Variants in SEMA5A observed in about 807,000 individuals in gnomAD.
SEMA5A encodes semaphorin-5A.
SEMA5A carries 55 observed loss-of-function variants against 135.5 expected under a neutral mutation model. The ratio of observed to expected loss-of-function variants is 0.41; its 90% CI spans 0.33 to 0.51. The LOEUF (loss-of-function observed/expected upper bound fraction) is 0.51, where lower values mean the gene tolerates loss of function less well. Among genes scored for constraint, SEMA5A ranks in the 20% least tolerant of loss-of-function variants. SEMA5A has a pLI of 0.37. For missense variants in SEMA5A, 1,290 were observed against 1,419.9 expected (o/e 0.91, Z 1.47); for synonymous variants, 580 against 546.5 (o/e 1.06, Z -0.85).
At chr5:9,328,129 C>T (rs534833050) in intron 4 of SEMA5A, among the ~76,000 whole-genome samples, 83 of 152,304 alleles carry the variant, frequency 5.4e-4, no homozygotes, top group African/African-American at 1.9e-3. Flanking sequence ...CCAAAACTCA[C>T]TGAATGGTTT....
At chr5:9,201,012 C>T (rs188093372) in intron 9 of SEMA5A, among the ~76,000 whole-genome samples, 1 of 152,342 alleles carries the variant, frequency 6.6e-6, no homozygotes, top group East Asian at 1.9e-4. Flanking sequence ...TTTATCAGCA[C>T]TTCCAACCCA....
intron 1 of SEMA5A, among the ~76,000 whole-genome samples, chr5:9,489,708 G>A (rs886846649): frequency 6.6e-6 from 1 of 152,108 alleles, no homozygotes; most frequent in Admixed American, 6.6e-5. Flanking sequence ...GCTACGAGTG[G>A]CTCTAAATGG....
intron 4 of SEMA5A, among the ~76,000 whole-genome samples, chr5:9,335,572 GA>G (rs374227848): frequency 1.1e-4 from 16 of 152,296 alleles, no homozygotes; most frequent in African/African-American, 3.8e-4. Flanking sequence ...AGAGATGAAT[GA>G]GGGATGCAAG....
intron 3 of SEMA5A, among the ~76,000 whole-genome samples, chr5:9,353,306 AGGGAAG>A (rs1754274743): frequency 7.1e-6 from 1 of 141,148 alleles, no homozygotes; most frequent in Non-Finnish European, 1.6e-5. Flanking sequence ...AGGGAAGGGA[AGGGAAG>A]GGAAAGGAAG....
intron 5 of SEMA5A, among the ~76,000 whole-genome samples, chr5:9,311,247 A>T (rs1348953464): frequency 6.6e-6 from 1 of 152,040 alleles, no homozygotes. Flanking sequence ...GTGACAACTA[A>T]TAATGTCCCC....
intron 5 of SEMA5A, among the ~76,000 whole-genome samples, chr5:9,300,878 C>T (rs932992026): frequency 1.3e-5 from 2 of 152,196 alleles, no homozygotes; most frequent in Non-Finnish European, 2.9e-5. Context: ...GGCGATGAAG[C>T]TTTCTCCCCT....
intron 5 of SEMA5A, among the ~76,000 whole-genome samples, chr5:9,291,437 C>T (rs1210688111): frequency 6.6e-6 from 1 of 152,156 alleles, no homozygotes; most frequent in Admixed American, 6.5e-5. Context: ...ATGGCCTTAA[C>T]TGGCCTGGAA....
intron 3 of SEMA5A, among the ~76,000 whole-genome samples, chr5:9,365,127 A>G (rs1754859517): frequency 6.6e-6 from 1 of 152,218 alleles, no homozygotes; most frequent in African/African-American, 2.4e-5. Context: ...CAGATGCATT[A>G]GAAAATATAC....
chr5:9,245,151 T>C (rs1251819747), intron 5 of SEMA5A, among the ~76,000 whole-genome samples: 1 of 152,138 alleles, frequency 6.6e-6, no homozygotes, highest in Non-Finnish European at 1.5e-5. Context: ...TTGTGGACAA[T>C]TCTGAGTAGC....
At chr5:9,362,146 C>G (rs1171248097) in intron 3 of SEMA5A, among the ~76,000 whole-genome samples, 1 of 152,124 alleles carries the variant, frequency 6.6e-6, no homozygotes, top group Non-Finnish European at 1.5e-5. Context: ...GGTAGAACAG[C>G]TCACTGTAGC....
chr5:9,194,917 C>T (rs374865221), intron 10 of SEMA5A, among the ~76,000 whole-genome samples: 5 of 152,126 alleles, frequency 3.3e-5, no homozygotes, highest in African/African-American at 1.2e-4. Context: ...GATGAACGGG[C>T]TACAAGTTAT....
chr5:9,399,671 C>A (rs1756562552), intron 2 of SEMA5A, among the ~76,000 whole-genome samples: 1 of 152,128 alleles, frequency 6.6e-6, no homozygotes, highest in African/African-American at 2.4e-5. Context: ...AGCAACCAGG[C>A]TACCAGGTTC....
chr5:9,216,697 T>C (rs1746649367), intron 8 of SEMA5A, among the ~76,000 whole-genome samples: 1 of 152,212 alleles, frequency 6.6e-6, no homozygotes, highest in Non-Finnish European at 1.5e-5. Context: ...AGGATAGTTA[T>C]GTCATCTTGT....
chr5:9,418,227 T>C (rs1579508456), intron 2 of SEMA5A, among the ~76,000 whole-genome samples: 1 of 152,040 alleles, frequency 6.6e-6, no homozygotes, highest in East Asian at 1.9e-4. Flanking sequence ...CCACCCGCCT[T>C]GGCCTCCCAA....
At chr5:9,280,485 C>T (rs1162951290) in intron 5 of SEMA5A, among the ~76,000 whole-genome samples, 3 of 152,152 alleles carry the variant, frequency 2.0e-5, no homozygotes, top group Non-Finnish European at 4.4e-5. Flanking sequence ...TCAGCCTGAC[C>T]CCGTGTTAGT....
intron 3 of SEMA5A, 98 bp downstream of exon 3, chr5:9,379,725 A>G (rs1755510328): frequency 4.9e-6 from 7 of 1,426,356 alleles, no homozygotes; most frequent in Non-Finnish European, 6.7e-6. Flanking sequence ...GAGCCACTGG[A>G]TTATACAGCA....
At chr5:9,073,732 C>T (rs139253905) in intron 16 of SEMA5A, among the ~76,000 whole-genome samples, 17 of 152,098 alleles carry the variant, frequency 1.1e-4, no homozygotes, top group Admixed American at 9.8e-4. Flanking sequence ...AAAAAAGCTA[C>T]TAGAAGTAAT....
intron 16 of SEMA5A, among the ~76,000 whole-genome samples, chr5:9,094,315 C>CA (rs33916572): frequency 0.54 from 82,846 of 152,028 alleles, 24,372 homozygotes; most frequent in African/African-American, 0.79. Flanking sequence ...AAAATTATTT[C>CA]AAATGAACAG....
chr5:9,537,390 T>C (rs1196407046), intron 1 of SEMA5A, among the ~76,000 whole-genome samples: 1 of 152,188 alleles, frequency 6.6e-6, no homozygotes, highest in Non-Finnish European at 1.5e-5. Context: ...CATTAGCTTG[T>C]TGAAAATGAA....
Sources: allele counts gnomAD v4.1 joint callset (sites outside exome capture counted in the v4.1 genomes callset), GRCh38; gene constraint gnomAD v4.1.1; transcripts MANE v1.5; gene names NCBI Gene and HGNC (gene_info 2026-07-23, HGNC 2026-07-21).